BAIAP2L1: variants seen among roughly 807,000 people sequenced by gnomAD.
BAIAP2L1 encodes BAR/IMD domain containing adaptor protein 2 like 1.
Under a neutral mutation model 66.3 loss-of-function variants are expected in BAIAP2L1, and 35 were observed. The observed-to-expected ratio is 0.53, with a 90% confidence interval of 0.40 to 0.70. BAIAP2L1 has a LOEUF of 0.70. Ranked by LOEUF, BAIAP2L1 falls within the 30% of genes least tolerant of loss-of-function variation. The probability of loss-of-function intolerance (pLI) is 0.00; values close to 1 mark genes in which losing one functional copy is unlikely to be tolerated. For synonymous variants in BAIAP2L1, 269 were observed against 248.7 expected (o/e 1.08, Z -0.77); for missense variants, 622 against 656.9 (o/e 0.95, Z 0.58).
In BAIAP2L1 at chr7:98,307,112, A is replaced by T. The variant is rs543607264; in HGVS notation, c.1163+577T>A. The T allele has an allele frequency of 1.9e-5, 3 of 158,422 alleles. No homozygotes were observed. In the South Asian group the frequency reaches 5.5e-4, roughly 29 times the overall value. 9.8% of individuals were successfully genotyped at this position (158,422 alleles called of 1,614,324 possible). A position where few individuals can be genotyped will look rare whatever the true frequency, so the allele number is the denominator to read the frequency against. The stretch of plus-strand genomic sequence containing the variant: ...GATTATCTTCAATAAATCAAATGCT[A>T]ATTTTATTTATTTTTTTGAGACAGA... On this transcript the variant is annotated intron_variant, in intron 10 of 13. Coordinates refer to ENST00000005260, the MANE Select transcript of BAIAP2L1 (RefSeq NM_018842.5).
chr7:98,330,368 G>A (rs1801465473), intron 3 of BAIAP2L1, among the ~76,000 whole-genome samples: 1 of 152,142 alleles, frequency 6.6e-6, no homozygotes. Context: ...ATTAATAAAG[G>A]AGGTTTAGGC....
intron 3 of BAIAP2L1, among the ~76,000 whole-genome samples, chr7:98,334,205 A>G (rs973286258): frequency 6.6e-6 from 1 of 152,182 alleles, no homozygotes; most frequent in African/African-American, 2.4e-5. Context: ...ACAAATTTCT[A>G]TAGTTATAAA....
chr7:98,355,149 A>G (rs1365214058), intron 2 of BAIAP2L1, 21 bp from the exon 3 acceptor site: 6 of 1,552,356 alleles, frequency 3.9e-6, no homozygotes, highest in African/African-American at 1.4e-5. Context: ...AAGGTGACAC[A>G]CAAAATCGTC....
At chr7:98,310,182 A>G (rs1394905062) in intron 9 of BAIAP2L1, 3 of 399,452 alleles carry the variant, frequency 7.5e-6, no homozygotes, top group Non-Finnish European at 1.3e-5. Context: ...AATTCTCAAC[A>G]GTATGTTTAC....
chr7:98,397,005 TACAAAA>T (rs1273668374), intron 1 of BAIAP2L1, among the ~76,000 whole-genome samples: 1 of 152,140 alleles, frequency 6.6e-6, no homozygotes, highest in Non-Finnish European at 1.5e-5. Context: ...GTGCTTGGAA[TACAAAA>T]ACAAAAACAA....
intron 3 of BAIAP2L1, among the ~76,000 whole-genome samples, chr7:98,349,160 T>C (rs546608421): frequency 4.9e-4 from 75 of 152,224 alleles, no homozygotes; most frequent in Non-Finnish European, 7.8e-4. Context: ...CTTAGGCCCA[T>C]GTAGAAAAAG....
chr7:98,349,839 C>T (rs1463529850), intron 3 of BAIAP2L1, among the ~76,000 whole-genome samples: 1 of 152,030 alleles, frequency 6.6e-6, no homozygotes, highest in Non-Finnish European at 1.5e-5. Flanking sequence ...GGCGGATCAC[C>T]TGAGGTTGGG....
At chr7:98,356,986 C>T (rs1802136584) in intron 2 of BAIAP2L1, among the ~76,000 whole-genome samples, 1 of 61,556 alleles carries the variant, frequency 1.6e-5, no homozygotes, top group African/African-American at 5.9e-5. Context: ...AGAGTGAGGC[C>T]CCTGTCTCAA....
chr7:98,329,976 C>T (rs145596208), intron 3 of BAIAP2L1, among the ~76,000 whole-genome samples: 2,183 of 152,290 alleles, frequency 0.014, 23 homozygotes, highest in South Asian at 0.043. Context: ...AAAACAAGGA[C>T]ATCAGAGGAA....
At chr7:98,391,871 C>T (rs1033506314) in intron 1 of BAIAP2L1, among the ~76,000 whole-genome samples, 23 of 152,056 alleles carry the variant, frequency 1.5e-4, no homozygotes, top group Admixed American at 5.3e-4. Flanking sequence ...TTACTCTGCA[C>T]ATATCTACAA....
rs544247622 is a variant in BAIAP2L1, at chr7:98,353,785, C to T, written c.214+1257G>A. On this transcript the variant is annotated intron_variant, in intron 3 of 13. Transcript: ENST00000005260. Reference sequence around the variant, plus strand: ...GATCAGCCTGGCCAACATGGCGAAACCCCGTCTCTACTAAAAATACAAAAA... The same window carrying T: ...GATCAGCCTGGCCAACATGGCGAAATCCCGTCTCTACTAAAAATACAAAAA... Among the ~76,000 whole-genome samples, 1,171 of 148,844 alleles carry T rather than the reference C, an allele frequency of 7.9e-3. 16 individuals are homozygous for T. Among genetic ancestry groups the T allele is most frequent in the Non-Finnish European group, 0.01 (679 of 67,332 alleles).
chr7:98,303,067 A>G (rs897201694), intron 12 of BAIAP2L1, among the ~76,000 whole-genome samples: 17 of 152,188 alleles, frequency 1.1e-4, no homozygotes, highest in African/African-American at 3.9e-4. Context: ...TTACACAGAC[A>G]TGAGCCATTG....
At chr7:98,389,082 G>C (rs1261188545) in intron 1 of BAIAP2L1, among the ~76,000 whole-genome samples, 2 of 151,792 alleles carry the variant, frequency 1.3e-5, no homozygotes, top group Non-Finnish European at 2.9e-5. Context: ...TGAGGTTTTT[G>C]TGGCCAGAAA....
At chr7:98,361,699 AT>A (rs1802273644) in intron 2 of BAIAP2L1, among the ~76,000 whole-genome samples, 1 of 152,150 alleles carries the variant, frequency 6.6e-6, no homozygotes, top group Non-Finnish European at 1.5e-5. Flanking sequence ...CAACTGTTTA[AT>A]TTAGATGTTT....
chr7:98,384,236 G>A (rs1341097853), intron 1 of BAIAP2L1, among the ~76,000 whole-genome samples: 1 of 151,358 alleles, frequency 6.6e-6, no homozygotes, highest in Non-Finnish European at 1.5e-5. Flanking sequence ...GAAATACCAA[G>A]GCAATTCACA....
At chr7:98,304,087 C>T in intron 12 of BAIAP2L1, 109 bp downstream of exon 12, 1 of 1,203,902 alleles carries the variant, frequency 8.3e-7, no homozygotes, top group Non-Finnish European at 1.1e-6. Context: ...GGGGACACCA[C>T]TCTCCCCCTG....
intron 1 of BAIAP2L1, among the ~76,000 whole-genome samples, chr7:98,370,383 A>G (rs1167455569): frequency 6.6e-6 from 1 of 151,604 alleles, no homozygotes; most frequent in Non-Finnish European, 1.5e-5. Flanking sequence ...AAAAAAAAAA[A>G]AAAAAAAAGA....
At chr7:98,348,715 G>T (rs530628041) in intron 3 of BAIAP2L1, among the ~76,000 whole-genome samples, 75 of 152,294 alleles carry the variant, frequency 4.9e-4, no homozygotes, top group Middle Eastern at 3.4e-3. Context: ...GAAAGAGAGA[G>T]GCATCCTTCT....
intron 1 of BAIAP2L1, chr7:98,385,724 ATTTC>A (rs1802871557): frequency 1.6e-6 from 2 of 1,241,646 alleles, no homozygotes; most frequent in South Asian, 2.6e-5. Context: ...AGGAATCAAC[ATTTC>A]TTTTTTTTGT....
Sources: gnomAD v4.1 joint callset for allele counts (sites outside exome capture counted in the v4.1 genomes callset) on GRCh38, gnomAD v4.1.1 for gene constraint, MANE v1.5 for transcripts, NCBI Gene and HGNC (gene_info 2026-07-23, HGNC 2026-07-21) for gene names.